The following BPI variants were observed in gnomAD, a reference collection of about 807,000 sequenced individuals.
The protein encoded by BPI is bactericidal permeability increasing protein.
Under a neutral mutation model 57.6 loss-of-function variants are expected in BPI, and 48 were observed. The observed-to-expected ratio is 0.83, with a 90% confidence interval of 0.66 to 1.06. BPI has a LOEUF of 1.06. Ranked by LOEUF, BPI falls within the 50% of genes least tolerant of loss-of-function variation. The pLI, the probability that BPI is intolerant of heterozygous loss-of-function variation, is 0.00. For missense variants in BPI, 651 were observed against 609.7 expected (o/e 1.07, Z -0.71); for synonymous variants, 237 against 238.2 (o/e 0.99, Z 0.05).
At chr20:38,319,766 C>T (rs2076671726) in intron 6 of BPI, 1 of 171,870 alleles carries the variant, frequency 5.8e-6, no homozygotes, top group African/African-American at 2.4e-5. Context: ...TTCTGAGCCT[C>T]TGCATGGACA....
intron 10 of BPI, 101 bp from the exon 11 acceptor site, chr20:38,327,487 T>A: frequency 7.6e-7 from 1 of 1,310,786 alleles, no homozygotes; most frequent in Non-Finnish European, 1.1e-6. Context: ...CAGTGTATGC[T>A]GCCCTGCTGA....
At chr20:38,304,492 T>C in intron 1 of BPI, 139 bp downstream of exon 1, 7 of 1,222,276 alleles carry the variant, frequency 5.7e-6, no homozygotes, top group Non-Finnish European at 7.8e-6. Flanking sequence ...ATTTTATATA[T>C]GAAGAAACTG....
chr20:38,323,903 C>T lies in BPI; in HGVS notation c.790C>T (p.Pro264Ser), dbSNP rs754593628. ...TTACAGTGAGAACCACCACAATCCA[C>T]CTCCCTTTGCTCCACCAGTGATGGA... ...EFYSENHHNP[P>S]PFAPPVMEFP... The change falls in exon 8 of 15, where the codon CCT (proline) becomes TCT (serine). Residue 264 changes from proline to serine, a missense_variant. By Grantham distance (74) the Pro-to-Ser change is moderately conservative (BLOSUM62 -1). Transcript: ENST00000642449. 2.2e-5 allele frequency: 36 copies of T among 1,614,180 alleles called. No homozygotes were observed. The highest frequency in any genetic ancestry group is 3.1e-5 in the Non-Finnish European group (36 of 1,180,014).
intron 13 of BPI, chr20:38,335,363 C>A (rs997184476): frequency 1.2e-5 from 7 of 576,060 alleles, no homozygotes; most frequent in African/African-American, 5.6e-5. Context: ...GGAGGGCCAT[C>A]ATGGGGATGG....
chr20:38,313,197 C>A (rs1228236545), intron 5 of BPI, among the ~76,000 whole-genome samples: 1 of 152,004 alleles, frequency 6.6e-6, no homozygotes, highest in African/African-American at 2.4e-5. Flanking sequence ...CCAGCCTGAC[C>A]AAATGGAGAA....
chr20:38,320,313 T>G, intron 7 of BPI, 39 bp downstream of exon 7: 4 of 1,578,804 alleles, frequency 2.5e-6, no homozygotes, highest in Non-Finnish European at 3.5e-6. Context: ...CTCACACCTC[T>G]GTCTCAGACA....
At chr20:38,311,620 C>T (rs374530521) in intron 4 of BPI, among the ~76,000 whole-genome samples, 34 of 152,140 alleles carry the variant, frequency 2.2e-4, no homozygotes, top group African/African-American at 8.0e-4. Flanking sequence ...TAGTGTGCAG[C>T]AAGGGAGGGG....
intron 12 of BPI, among the ~76,000 whole-genome samples, chr20:38,334,067 G>T (rs1365960705): frequency 6.6e-6 from 1 of 152,172 alleles, no homozygotes; most frequent in African/African-American, 2.4e-5. Flanking sequence ...AGGTTGATTT[G>T]ATTTGCCCTC....
At position 38,322,315 on chromosome 20, in the gene BPI, C is replaced by A. The variant is rs1459084959; in HGVS notation, c.757-1555C>A. Among the ~76,000 whole-genome samples, 14 of 152,086 alleles carry A rather than the reference C, an allele frequency of 9.2e-5. No homozygotes were observed. In the East Asian group the frequency reaches 2.5e-3, roughly 27 times the overall value. ...GCATACTAAGAAAAAAAAATGAATA[C>A]CCACATATATCTAAGTGATACAACA... is the stretch of plus-strand genomic sequence containing the variant. On this transcript the variant is annotated intron_variant, in intron 7 of 14. Transcript: ENST00000642449.
At position 38,337,474 on chromosome 20, in the gene BPI, T is replaced by C. The variant is rs2076773222; in HGVS notation, c.*290T>C. 6.0e-6 allele frequency: 2 copies of C among 333,162 alleles called. No homozygotes were observed. Among genetic ancestry groups the C allele is most frequent in the South Asian group, 9.1e-5 (1 of 10,956 alleles). 20.6% of individuals were successfully genotyped at this position (333,162 alleles called of 1,614,324 possible). ...CCAAGAAATTTCCATTTGTGCTTCA[T>C]GAAAAAAAACTTCTGGTTTTTTTCA... On this transcript the variant is annotated 3_prime_UTR_variant, in exon 15 of 15. Transcript: ENST00000642449.
chr20:38,304,705 G>A lies in BPI; in HGVS notation c.130+352G>A, dbSNP rs1389054453. Among the ~76,000 whole-genome samples the A allele has an allele frequency of 7.2e-5, 11 of 152,156 alleles. No homozygotes were observed. In the East Asian group the frequency reaches 7.7e-4, roughly 11 times the overall value. On this transcript the variant is annotated intron_variant, in intron 1 of 14. Transcript: ENST00000642449. ...TTCTCAGCCTTGCCATTTGCCTCTC[G>A]TTGCTGAGGAGGCTGAGCAGGGTCA...
intron 3 of BPI, among the ~76,000 whole-genome samples, chr20:38,309,539 A>C (rs2076612468): frequency 6.6e-6 from 1 of 152,112 alleles, no homozygotes; most frequent in African/African-American, 2.4e-5. Flanking sequence ...GCAGAGGTGT[A>C]AAAAGGGAAA....
rs144501421 is a variant in BPI at position 38,326,366 on chromosome 20, C to A, written c.1095C>A (p.Ala365=). ...VQPTGLTFYP[A]VDVQAFAVLP... ...CCACCGGCCTTACCTTCTACCCTGC[C>A]GTGGATGTCCAGGCCTTTGCCGTCC... Residue 365 remains alanine, a synonymous_variant, in exon 10 of 15, where the codon GCC becomes GCA. Transcript: ENST00000642449. 2 of 1,614,150 alleles carry A rather than the reference C, an allele frequency of 1.2e-6. No individual in the cohort carries two copies. Among genetic ancestry groups the A allele is most frequent in the East Asian group, 2.2e-5 (1 of 44,876 alleles).
intron 9 of BPI, 130 bp downstream of exon 9, chr20:38,324,963 G>T (rs1600709201): frequency 1.3e-6 from 1 of 754,500 alleles, no homozygotes; most frequent in East Asian, 2.6e-5. Context: ...CAGCATGAAA[G>T]GGTGGAAATA....
In BPI at chr20:38,327,650, G is replaced by A; in HGVS notation, c.1224G>A (p.Leu408=). 6.2e-7 allele frequency: 1 copy of A among 1,613,592 alleles called. No individual in the cohort carries two copies. Among genetic ancestry groups the A allele is most frequent in the Non-Finnish European group, 8.5e-7 (1 of 1,179,646 alleles). ...ESNRLVGELK[L]DRLLLELKHS... The stretch of plus-strand genomic sequence containing the variant: ...ACAGGCTTGTTGGAGAGCTCAAGCT[G>A]GATAGGTAAGTGGGCCTGTGAGAGG... Residue 408 remains leucine, a synonymous_variant, in exon 11 of 15, where the codon CTG becomes CTA. Coordinates refer to ENST00000642449, the MANE Select transcript of BPI (RefSeq NM_001725.3).
chr20:38,319,863 T>G (rs76404213), intron 6 of BPI: 2 of 268,002 alleles, frequency 7.5e-6, no homozygotes, highest in East Asian at 7.8e-5. Context: ...TGACAAAAAG[T>G]GCTCAGAGAA....
chr20:38,337,063 T>A, intron 14 of BPI, 83 bp from the exon 15 acceptor site: 1 of 1,434,510 alleles, frequency 7.0e-7, no homozygotes, highest in Non-Finnish European at 9.6e-7. Context: ...TCCCAAAATG[T>A]CCTTCTTAAA....
At chr20:38,328,909 G>T (rs7275126) in intron 11 of BPI, among the ~76,000 whole-genome samples, 2,387 of 152,210 alleles carry the variant, frequency 0.016, 74 homozygotes, top group African/African-American at 0.054. Flanking sequence ...GAGAGGCTGA[G>T]GTGGGAGGAT....
intron 11 of BPI, among the ~76,000 whole-genome samples, chr20:38,328,721 G>A (rs374534989): frequency 8.1e-4 from 124 of 152,204 alleles, no homozygotes; most frequent in South Asian, 7.9e-3. Flanking sequence ...TACAGGGCCA[G>A]GCATGGTGGC....
Sources: gnomAD v4.1 joint callset for allele counts (sites outside exome capture counted in the v4.1 genomes callset) on GRCh38, gnomAD v4.1.1 for gene constraint, MANE v1.5 for transcripts, NCBI Gene and HGNC (gene_info 2026-07-23, HGNC 2026-07-21) for gene names.